The following CPEB3 variants were observed in gnomAD, a reference collection of about 807,000 sequenced individuals.
CPEB3 encodes the protein cytoplasmic polyadenylation element binding protein 3.
A neutral mutation model predicts 67.2 loss-of-function variants in CPEB3; 20 were observed. The observed-to-expected ratio is 0.30, with a 90% CI of 0.21 to 0.43. CPEB3 has a LOEUF of 0.43. Among genes scored for constraint, CPEB3 ranks in the 20% least tolerant of loss-of-function variants. The pLI, the probability that CPEB3 is intolerant of heterozygous loss-of-function variation, is 1.00. For synonymous variants in CPEB3, 376 were observed against 393.1 expected, an observed-to-expected ratio of 0.96 and a Z score of 0.51; for missense variants, 746 against 968.6, an observed-to-expected ratio of 0.77 and a Z score of 3.05.
intron 1 of CPEB3, among the ~76,000 whole-genome samples, chr10:92,276,388 C>T (rs1841990701): frequency 6.6e-6 from 1 of 150,864 alleles, no homozygotes; most frequent in Admixed American, 6.6e-5. Flanking sequence ...AAGCTATTCT[C>T]CTGCCTCAGC....
chr10:92,247,926 G>T (rs992364538), intron 1 of CPEB3, among the ~76,000 whole-genome samples: 1 of 151,810 alleles, frequency 6.6e-6, no homozygotes, highest in Non-Finnish European at 1.5e-5. Flanking sequence ...ACAGAGTCTT[G>T]CTCTGTCATC....
At position 92,049,405 on chromosome 10, in the gene CPEB3, T is replaced by C. The variant is rs936689065; in HGVS notation, c.*2807A>G. ...TGCAGGTCAGAACACCTCTGTGTTT[T>C]AAAAAATAATTTTTTTGAAGGACCC... On this transcript the variant is annotated 3_prime_UTR_variant, in exon 10 of 10. Coordinates refer to ENST00000265997, the MANE Select transcript of CPEB3 (RefSeq NM_014912.5). 3 of 152,470 alleles carry C rather than the reference T, an allele frequency of 2.0e-5. No individual in the cohort carries two copies. The highest frequency in any genetic ancestry group is 7.2e-5 in the African/African-American group (3 of 41,434). 9.4% of individuals were successfully genotyped at this position (152,470 alleles called of 1,614,324 possible). A position where few individuals can be genotyped will look rare whatever the true frequency, so the allele number is the denominator to read the frequency against.
chr10:92,277,857 C>G (rs1003640136), intron 1 of CPEB3, among the ~76,000 whole-genome samples: 9 of 151,836 alleles, frequency 5.9e-5, no homozygotes, highest in African/African-American at 2.2e-4. Context: ...CGCCACTGTA[C>G]TCCAGCCTGG....
intron 9 of CPEB3, among the ~76,000 whole-genome samples, chr10:92,057,273 C>T (rs914693872): frequency 3.9e-5 from 6 of 152,178 alleles, no homozygotes; most frequent in Non-Finnish European, 8.8e-5. Context: ...GTACTTACCA[C>T]GAGCTGACTT....
intron 2 of CPEB3, among the ~76,000 whole-genome samples, chr10:92,217,947 G>T (rs868418667): frequency 6.6e-6 from 1 of 151,906 alleles, no homozygotes; most frequent in Non-Finnish European, 1.5e-5. Context: ...GCAAAACCCC[G>T]TTTCTACAAA....
chr10:92,215,450 CTT>C (rs986114627), intron 2 of CPEB3, among the ~76,000 whole-genome samples: 1 of 138,496 alleles, frequency 7.2e-6, no homozygotes, highest in Non-Finnish European at 1.6e-5. Flanking sequence ...CTGCACCTGG[CTT>C]TTTTTTTTTA....
chr10:92,106,167 AC>A (rs1342751100), intron 7 of CPEB3, among the ~76,000 whole-genome samples: 1 of 151,546 alleles, frequency 6.6e-6, no homozygotes, highest in East Asian at 1.9e-4. Flanking sequence ...TGCTGGGATT[AC>A]AGGCATGAGC....
At chr10:92,109,543 TA>T (rs1018812037) in intron 7 of CPEB3, among the ~76,000 whole-genome samples, 1 of 152,124 alleles carries the variant, frequency 6.6e-6, no homozygotes, top group African/African-American at 2.4e-5. Context: ...TGAGCTACTG[TA>T]CCTGGCCAGG....
Position 92,144,952 on chromosome 10 carries a change from A to T in CPEB3, c.1356T>A (p.Ile452=). The T allele has an allele frequency of 1.9e-6, 3 of 1,614,000 alleles. No homozygotes were observed. The highest frequency in any genetic ancestry group is 2.5e-6 in the Non-Finnish European group (3 of 1,179,964). The change falls in exon 5 of 10, where the codon ATT becomes ATA. Residue 452 remains isoleucine, a synonymous_variant. Coordinates refer to ENST00000265997, the MANE Select transcript of CPEB3 (RefSeq NM_014912.5). ...KVFVGGLPPD[I]DEDEITASFR... ...TTAATGAATGCATAGTACCTTCATCAATATCAGGAGGAAGTCCTCCAACAA... is the reference window on the plus strand; with the variant it reads ...TTAATGAATGCATAGTACCTTCATCTATATCAGGAGGAAGTCCTCCAACAA...
At chr10:92,120,115 A>C (rs1251068677) in intron 6 of CPEB3, among the ~76,000 whole-genome samples, 2 of 148,042 alleles carry the variant, frequency 1.4e-5, no homozygotes, top group African/African-American at 2.5e-5. Flanking sequence ...AAAAAAAAAA[A>C]AACCAAATTG....
rs568158429 is a variant in CPEB3, at chr10:92,171,842, T to C, written c.1222+9121A>G. Among the ~76,000 whole-genome samples the C allele has an allele frequency of 2.7e-3, 413 of 152,312 alleles. 4 individuals are homozygous for C. The highest frequency in any genetic ancestry group is 4.9e-3 in the Non-Finnish European group (334 of 68,016). ...GGTGGCCAGGCTGGTCTTGAACTCC[T>C]GACCTCAGGTGATCCACCCGCCTCA... On this transcript the variant is annotated intron_variant, in intron 4 of 9. Transcript: ENST00000265997.
intron 9 of CPEB3, 52 bp downstream of exon 9, chr10:92,081,268 G>C: frequency 6.2e-7 from 1 of 1,602,250 alleles, no homozygotes; most frequent in African/African-American, 1.3e-5. Flanking sequence ...GGAAACTACA[G>C]AACAAACTTC....
At chr10:92,139,960 C>T (rs1846316847) in intron 6 of CPEB3, among the ~76,000 whole-genome samples, 1 of 151,704 alleles carries the variant, frequency 6.6e-6, no homozygotes, top group East Asian at 1.9e-4. Flanking sequence ...GTAGTCCCAG[C>T]TACTCAGGAG....
chr10:92,091,348 T>G (rs999878495), intron 8 of CPEB3, among the ~76,000 whole-genome samples: 2 of 152,184 alleles, frequency 1.3e-5, no homozygotes, highest in Non-Finnish European at 2.9e-5. Flanking sequence ...TGGATTTGTC[T>G]TTGGATTTAA....
chr10:92,239,732 C>T lies in CPEB3; in HGVS notation c.619G>A (p.Ala207Thr), dbSNP rs567528565. ...ATGGGCTGGTGGCCGTACGCCGCGG[C>T]GGCGCTCCTCTGCGCGTAGGGCGCC... ...SQAPYAQRSA[A>T]AAYGHQPIMT... The change falls in exon 2 of 10, where the codon GCC becomes ACC. Residue 207 changes from alanine to threonine, a missense_variant. This residue lies in a region of CPEB3 where 643 missense variants were observed against 717.5 expected (regional missense o/e 0.90). Coordinates refer to ENST00000265997, the MANE Select transcript of CPEB3 (RefSeq NM_014912.5). This position sits in a 1 kb window ranked among gnomAD's most constrained non-coding sequence, Gnocchi z 6.0. 47 of 1,521,922 alleles carry T rather than the reference C, an allele frequency of 3.1e-5. No individual in the cohort carries two copies. In the African/African-American group the frequency reaches 5.8e-4, roughly 19 times the overall value. 94.3% of individuals were successfully genotyped at this position (1,521,922 alleles called of 1,614,324 possible).
chr10:92,054,488 A>G (rs1183463968), intron 9 of CPEB3, among the ~76,000 whole-genome samples: 1 of 151,828 alleles, frequency 6.6e-6, no homozygotes, highest in African/African-American at 2.4e-5. Flanking sequence ...CAATGGCGCA[A>G]TCTCAGCTCA....
At chr10:92,063,365 C>T (rs1329749721) in intron 9 of CPEB3, among the ~76,000 whole-genome samples, 1 of 152,148 alleles carries the variant, frequency 6.6e-6, no homozygotes, top group Non-Finnish European at 1.5e-5. Context: ...AGGCATTGGC[C>T]AAGGTCAGGC....
intron 9 of CPEB3, among the ~76,000 whole-genome samples, chr10:92,064,755 A>T (rs1469438305): frequency 1.3e-5 from 2 of 152,190 alleles, no homozygotes; most frequent in Non-Finnish European, 2.9e-5. Flanking sequence ...ATATGGCCAT[A>T]GACATCCACA....
At chr10:92,065,661 A>G (rs915579834) in intron 9 of CPEB3, among the ~76,000 whole-genome samples, 7 of 152,194 alleles carry the variant, frequency 4.6e-5, no homozygotes, top group Non-Finnish European at 8.8e-5. Flanking sequence ...AGCACCTCAA[A>G]TAAGTTTAAT....
Sources: gnomAD v4.1 joint callset for allele counts (sites outside exome capture counted in the v4.1 genomes callset) on GRCh38, gnomAD v4.1.1 for gene constraint, gnomAD v4.1.1 regional missense constraint, Gnocchi (gnomAD v3.1) non-coding constraint, MANE v1.5 for transcripts, NCBI Gene and HGNC (gene_info 2026-07-23, HGNC 2026-07-21) for gene names.